Variants in TRPM6 observed in about 807,000 individuals in gnomAD.
TRPM6 encodes the protein transient receptor potential cation channel subfamily M member 6.
Under a neutral mutation model 247.6 loss-of-function variants are expected in TRPM6, and 111 were observed. The ratio of observed to expected loss-of-function variants is 0.45; its 90% CI spans 0.38 to 0.52. TRPM6 has a LOEUF of 0.52. Among genes scored for constraint, TRPM6 ranks in the 20% least tolerant of loss-of-function variants. The probability of loss-of-function intolerance (pLI) is 0.00; values close to 1 mark genes in which losing one functional copy is unlikely to be tolerated. For synonymous variants in TRPM6, 892 were observed against 853.8 expected, an observed-to-expected ratio of 1.04 and a Z score of -0.78; for missense variants, 2,126 against 2,421.5, an observed-to-expected ratio of 0.88 and a Z score of 2.56.
At chr9:74,885,976 C>G (rs1162553045) in intron 1 of TRPM6, among the ~76,000 whole-genome samples, 2 of 152,078 alleles carry the variant, frequency 1.3e-5, no homozygotes, top group Non-Finnish European at 2.9e-5. Context: ...ATTTCAGGCA[C>G]AGTATTTACC....
At chr9:74,816,465 GAAAAAAAAAAA>G (rs34100441) in intron 11 of TRPM6, among the ~76,000 whole-genome samples, 193 bp downstream of exon 11, 1 of 93,644 alleles carries the variant, frequency 1.1e-5, no homozygotes, top group Non-Finnish European at 2.1e-5. Context: ...GCAGAGCCAG[GAAAAAAAAAAA>G]AAAAAAAAAA....
chr9:74,842,123 A>T, intron 4 of TRPM6, 43 bp downstream of exon 4: 4 of 1,611,992 alleles, frequency 2.5e-6, no homozygotes, highest in Non-Finnish European at 2.5e-6. Context: ...AAAAAAAAAA[A>T]AAAAGAAAGA....
intron 2 of TRPM6, among the ~76,000 whole-genome samples, chr9:74,856,072 A>C (rs1277599241): frequency 2.0e-5 from 3 of 152,202 alleles, no homozygotes; most frequent in Admixed American, 1.3e-4. Context: ...ATTACAAATT[A>C]TCCTTTATTA....
In TRPM6 at chr9:74,762,970, T is replaced by A; in HGVS notation, c.3701A>T (p.Asp1234Val). The change falls in exon 26 of 39, where the codon GAT becomes GTT. Residue 1234 changes from aspartate (D) to valine (V), a missense_variant. By Grantham distance (152) the Asp-to-Val change is radical. Coordinates refer to ENST00000360774, the MANE Select transcript of TRPM6 (RefSeq NM_017662.5). ...VLSAVDTLQE[D>V]EALLAKRKHS... ...CTTTCTCTTGGCCAGGAGAGCCTCA[T>A]CCTCTTGCAAAGTGTCAACAGCAGA... The A allele has an allele frequency of 6.2e-7, 1 of 1,610,268 alleles. No homozygotes were observed. Among genetic ancestry groups the A allele is most frequent in the Non-Finnish European group, 8.5e-7 (1 of 1,177,186 alleles).
chr9:74,761,868 T>C, intron 26 of TRPM6, 60 bp from the exon 27 acceptor site: 3 of 1,522,476 alleles, frequency 2.0e-6, no homozygotes, highest in Non-Finnish European at 2.7e-6. Flanking sequence ...CATTTTGTTT[T>C]ACAGAAAAAG....
intron 24 of TRPM6, among the ~76,000 whole-genome samples, chr9:74,775,567 A>T (rs562136784): frequency 4.1e-4 from 62 of 152,202 alleles, no homozygotes; most frequent in Non-Finnish European, 6.2e-4. Flanking sequence ...ACTCTCTAGG[A>T]GTTATTCTGA....
chr9:74,765,614 G>A (rs1826802165), intron 25 of TRPM6, among the ~76,000 whole-genome samples: 1 of 152,216 alleles, frequency 6.6e-6, no homozygotes, highest in Admixed American at 6.5e-5. Flanking sequence ...TGGCTGACGT[G>A]ACCATTGCAG....
intron 27 of TRPM6, among the ~76,000 whole-genome samples, chr9:74,756,299 A>G (rs950589551): frequency 6.9e-6 from 1 of 143,950 alleles, no homozygotes; most frequent in East Asian, 1.9e-4. Context: ...TTCTCATTCT[A>G]AAAAAGGCTG....
Position 74,769,627 on chromosome 9 carries a change from A to G in TRPM6, c.3536+2076T>C, listed in dbSNP as rs966069302. 2.6e-5 allele frequency among the ~76,000 whole-genome samples: 4 copies of G among 151,884 alleles called. No homozygotes were observed. The East Asian group carries it at 7.8e-4, about 30-fold the overall frequency. ...CAAAAAATTAGCCGGGTGTGGTGGC[A>G]CACACCTGTAATCCCAGCTACTCGG... On this transcript the variant is annotated intron_variant, in intron 25 of 38. Coordinates refer to ENST00000360774, the MANE Select transcript of TRPM6 (RefSeq NM_017662.5).
chr9:74,741,159 A>G (rs562705134), intron 33 of TRPM6, among the ~76,000 whole-genome samples: 3 of 152,172 alleles, frequency 2.0e-5, no homozygotes, highest in Non-Finnish European at 2.9e-5. Context: ...CTTAACTGCT[A>G]CATAGCTTCC....
intron 21 of TRPM6, among the ~76,000 whole-genome samples, chr9:74,784,177 C>T (rs1352554908): frequency 4.0e-5 from 6 of 150,930 alleles, no homozygotes; most frequent in Admixed American, 1.3e-4. Context: ...GCAGGAGAAT[C>T]GCTTGAACGC....
chr9:74,840,205 A>G lies in TRPM6; in HGVS notation c.363T>C (p.Asp121=). ...YIRTSYDTKL[D]HLLHLMLKEW... ...CTTTCAACATTAAATGTAACAGATG[A>G]TCCAGTTTTGTATCATAAGAAGTTC... is the stretch of plus-strand genomic sequence containing the variant. The change falls in exon 5 of 39, where the codon GAT becomes GAC. Residue 121 remains aspartate (D), a synonymous_variant. Coordinates refer to ENST00000360774, the MANE Select transcript of TRPM6 (RefSeq NM_017662.5). 1 of 1,613,922 alleles carries G rather than the reference A, an allele frequency of 6.2e-7. No homozygotes were observed. The highest frequency in any genetic ancestry group is 8.5e-7 in the Non-Finnish European group (1 of 1,179,806).
intron 1 of TRPM6, among the ~76,000 whole-genome samples, chr9:74,872,152 T>C (rs1489723693): frequency 6.6e-6 from 1 of 151,720 alleles, no homozygotes; most frequent in Non-Finnish European, 1.5e-5. Flanking sequence ...CATGCCTGGC[T>C]GCAACTTTTT....
At chr9:74,805,845 C>T (rs1036087250) in intron 14 of TRPM6, among the ~76,000 whole-genome samples, 6 of 151,692 alleles carry the variant, frequency 4.0e-5, no homozygotes, top group Non-Finnish European at 4.4e-5. Context: ...ATACAGAAAA[C>T]ACAAAGAGTC....
chr9:74,731,593 T>G, intron 37 of TRPM6, among the ~76,000 whole-genome samples: 1 of 151,504 alleles, frequency 6.6e-6, no homozygotes, highest in East Asian at 1.9e-4. Flanking sequence ...ATTAAATCAC[T>G]CAGTAAAATA....
rs1186160614 is a variant in TRPM6, at chr9:74,725,561, G to T, written c.5936-815C>A. Among the ~76,000 whole-genome samples the T allele has an allele frequency of 2.0e-5, 3 of 152,284 alleles. No individual in the cohort carries two copies. In the South Asian group the frequency reaches 6.2e-4, roughly 32 times the overall value. On this transcript the variant is annotated intron_variant, in intron 38 of 38. Coordinates refer to ENST00000360774, the MANE Select transcript of TRPM6 (RefSeq NM_017662.5). ...GGGGGGAATCCAGTGGGAGGTGACT[G>T]AATTATGGGGGTGGATCTTTCTTGC...
intron 25 of TRPM6, among the ~76,000 whole-genome samples, chr9:74,769,753 T>C (rs770492211): frequency 6.4e-5 from 8 of 125,066 alleles, no homozygotes; most frequent in East Asian, 2.2e-4. Flanking sequence ...TGAGACTCCG[T>C]TGAAATAAAG....
rs1225476505 is a variant in TRPM6 at position 74,732,713 on chromosome 9, G to T, written c.5800C>A (p.Pro1934Thr). 6.2e-7 allele frequency: 1 copy of T among 1,609,092 alleles called. No homozygotes were observed. Among genetic ancestry groups the T allele is most frequent in the African/African-American group, 1.3e-5 (1 of 74,840 alleles). ...LQGVGENLTD[P>T]SVIKPEVKQS... ...TTGACTTCAGGTTTTATAACAGATGGATCTGTCAAATTTTCTCCAACACCT... is the reference window on the plus strand; with the variant it reads ...TTGACTTCAGGTTTTATAACAGATGTATCTGTCAAATTTTCTCCAACACCT... Residue 1934 changes from proline (P) to threonine (T), a missense_variant, in exon 37 of 39, where the codon CCA (proline) becomes ACA (threonine). Coordinates refer to ENST00000360774, the MANE Select transcript of TRPM6 (RefSeq NM_017662.5).
At position 74,763,166 on chromosome 9, in the gene TRPM6, G is replaced by A. The variant is rs45616231; in HGVS notation, c.3537-32C>T. The A allele has an allele frequency of 0.072, 115,162 of 1,596,804 alleles. 4,741 individuals are homozygous for A. The highest frequency in any genetic ancestry group is 0.17 in the East Asian group (7,800 of 44,784). On this transcript the variant is annotated intron_variant, in intron 25 of 38. Transcript: ENST00000360774. Reference sequence around the variant, plus strand: ...GTGAAGGAAGGGAGAAAACCAACAAGCACATTAAGCCAGTGGGAATTTGCT... The same window carrying A: ...GTGAAGGAAGGGAGAAAACCAACAAACACATTAAGCCAGTGGGAATTTGCT...
Sources: gnomAD v4.1 joint callset for allele counts (sites outside exome capture counted in the v4.1 genomes callset) on GRCh38, gnomAD v4.1.1 for gene constraint, MANE v1.5 for transcripts, NCBI Gene and HGNC (gene_info 2026-07-23, HGNC 2026-07-21) for gene names.